Variants in COL5A2 observed in about 807,000 individuals in gnomAD.
COL5A2 encodes collagen type V alpha 2 chain.
In COL5A2, 23 loss-of-function variants were observed where a neutral mutation model predicts 208.2. That is an observed-to-expected ratio of 0.11 (90% CI 0.08 to 0.16). The LOEUF is 0.16. COL5A2 is among the 10% of genes least tolerant of loss of function. The probability of loss-of-function intolerance (pLI) is 1.00; values close to 1 mark genes in which losing one functional copy is unlikely to be tolerated. For missense variants in COL5A2, 1,590 were observed against 1,956.4 expected (o/e 0.81, Z 3.53); for synonymous variants, 625 against 628.5 (o/e 0.99, Z 0.08).
the COL5A2 span, among the ~76,000 whole-genome samples, chr2:189,255,717 G>T: frequency 2.7e-3 from 415 of 152,130 alleles, 3 homozygotes; most frequent in African/African-American, 9.4e-3. Flanking sequence ...ATAATCTAAT[G>T]GGTAAAATAG....
At chr2:189,061,910 GA>G (rs1416790002) in intron 29 of COL5A2, among the ~76,000 whole-genome samples, 1 of 151,998 alleles carries the variant, frequency 6.6e-6, no homozygotes, top group Non-Finnish European at 1.5e-5. Context: ...TTGAATATAG[GA>G]AAACCCATTA....
chr2:189,064,854 CAA>C lies in COL5A2; in HGVS notation c.1617+148_1617+149del, dbSNP rs1686113013. On this transcript the variant is annotated intron_variant, in intron 24 of 53. Coordinates refer to ENST00000374866, the MANE Select transcript of COL5A2 (RefSeq NM_000393.5). ...TATGCCTCTTAATACAGGAATTACA[CAA>C]GAGAGGATTGGGGTTAGGCCTGGTA... 1.7e-5 allele frequency: 15 copies of C among 899,086 alleles called. No homozygotes were observed. In the Middle Eastern group the frequency reaches 6.4e-4, roughly 38 times the overall value. The allele number at this position is 899,086 out of a possible 1,614,324, so 55.7% of individuals were successfully genotyped here.
chr2:189,171,908 G>C (rs1302012450), intron 1 of COL5A2, among the ~76,000 whole-genome samples: 2 of 152,218 alleles, frequency 1.3e-5, no homozygotes, highest in Non-Finnish European at 2.9e-5. Flanking sequence ...CATGGATGAA[G>C]CTGAGAGGGA....
the COL5A2 span, among the ~76,000 whole-genome samples, chr2:189,265,505 A>T: frequency 6.6e-6 from 1 of 152,176 alleles, no homozygotes. Context: ...TAAAGACACC[A>T]GTCAGTGGAT....
At chr2:189,314,963 C>A in the COL5A2 span, among the ~76,000 whole-genome samples, 4 of 152,076 alleles carry the variant, frequency 2.6e-5, no homozygotes, top group African/African-American at 9.7e-5. Flanking sequence ...AAAAAAAGCC[C>A]AGGACCAGAT....
At chr2:189,361,480 A>T in the COL5A2 span, among the ~76,000 whole-genome samples, 1 of 149,566 alleles carries the variant, frequency 6.7e-6, no homozygotes, top group Non-Finnish European at 1.5e-5. Context: ...CCATTCCTTC[A>T]CTTTCCACCT....
chr2:189,405,842 C>A, the COL5A2 span, among the ~76,000 whole-genome samples: 89 of 152,290 alleles, frequency 5.8e-4, 4 homozygotes, highest in South Asian at 0.018. Flanking sequence ...GTTCTTCTGA[C>A]AATGTGTAAA....
the COL5A2 span, among the ~76,000 whole-genome samples, chr2:189,319,694 C>A: frequency 3.3e-5 from 5 of 152,256 alleles, no homozygotes; most frequent in East Asian, 9.6e-4. Context: ...GAGCCCACTG[C>A]AGCTCAAGGA....
chr2:189,185,816 G>A (rs974964825), intron 1 of COL5A2, among the ~76,000 whole-genome samples: 3 of 152,156 alleles, frequency 2.0e-5, no homozygotes, highest in Non-Finnish European at 4.4e-5. Flanking sequence ...AATGATGATT[G>A]AATGACCGTG....
chr2:189,302,135 T>C, the COL5A2 span, among the ~76,000 whole-genome samples: 1 of 152,160 alleles, frequency 6.6e-6, no homozygotes, highest in Admixed American at 6.5e-5. Flanking sequence ...TTGTCACTAG[T>C]TGCAATTAAC....
At chr2:189,317,816 G>T in the COL5A2 span, among the ~76,000 whole-genome samples, 2 of 152,100 alleles carry the variant, frequency 1.3e-5, no homozygotes, top group African/African-American at 4.8e-5. Context: ...TTATTTGCAG[G>T]TGATGAAAGC....
intron 38 of COL5A2, 55 bp downstream of exon 38, chr2:189,053,369 T>C (rs2105564758): frequency 7.0e-7 from 1 of 1,438,154 alleles, no homozygotes; most frequent in East Asian, 2.3e-5. Context: ...ATCATTAAAC[T>C]TATTATAACA....
the COL5A2 span, among the ~76,000 whole-genome samples, chr2:189,330,190 A>T: frequency 6.6e-6 from 1 of 152,160 alleles, no homozygotes; most frequent in African/African-American, 2.4e-5. Flanking sequence ...GTCTGAAAGA[A>T]ATCCTCCTGA....
intron 1 of COL5A2, among the ~76,000 whole-genome samples, chr2:189,209,964 A>G (rs1689191145): frequency 6.6e-6 from 1 of 152,240 alleles, no homozygotes; most frequent in African/African-American, 2.4e-5. Context: ...ACATGAAGCC[A>G]TGAAGGCAGA....
At chr2:189,417,165 G>A in the COL5A2 span, among the ~76,000 whole-genome samples, 3 of 151,936 alleles carry the variant, frequency 2.0e-5, no homozygotes, top group South Asian at 2.1e-4. Flanking sequence ...TTGATGTTGC[G>A]ATTACTTAAT....
the COL5A2 span, among the ~76,000 whole-genome samples, chr2:189,356,067 T>C: frequency 1.3e-5 from 2 of 152,182 alleles, no homozygotes; most frequent in African/African-American, 4.8e-5. Context: ...AAATCCTGGG[T>C]TGAAAATTCT....
Position 189,050,672 on chromosome 2 carries a change from G to T in COL5A2, c.2936C>A (p.Pro979Gln). 6.4e-7 allele frequency: 1 copy of T among 1,551,538 alleles called. No individual in the cohort carries two copies. The highest frequency in any genetic ancestry group is 8.7e-7 in the Non-Finnish European group (1 of 1,146,876). ...GDPGEDGQPG[P>Q]DGPPGPAGTT... The stretch of plus-strand genomic sequence containing the variant: ...TCCAGCTGGACCAGGGGGGCCATCT[G>T]GACCCTAATGTTGAGGACAAACTAA... Residue 979 changes from proline to glutamine, a missense_variant, in exon 43 of 54, where the codon CCA becomes CAA. Physicochemically the swap from Pro to Gln is moderately conservative, Grantham distance 76. Transcript: ENST00000374866.
chr2:189,092,260 T>A, intron 7 of COL5A2, 50 bp downstream of exon 7: 1 of 1,127,552 alleles, frequency 8.9e-7, no homozygotes, highest in Non-Finnish European at 1.3e-6. Flanking sequence ...AATATATCAA[T>A]AATTTAAAAC....
chr2:189,138,592 T>C (rs956891458), intron 1 of COL5A2, among the ~76,000 whole-genome samples: 5 of 152,158 alleles, frequency 3.3e-5, no homozygotes, highest in Non-Finnish European at 7.3e-5. Context: ...CAGATTGTGG[T>C]TTCTGATAGC....
Sources: allele counts gnomAD v4.1 joint callset (sites outside exome capture counted in the v4.1 genomes callset), GRCh38; gene constraint gnomAD v4.1.1; transcripts MANE v1.5; gene names NCBI Gene and HGNC (gene_info 2026-07-23, HGNC 2026-07-21).